Variants in SND1 observed in about 807,000 individuals in gnomAD.
The protein encoded by SND1 is staphylococcal nuclease and tudor domain containing 1.
SND1 carries 38 observed loss-of-function variants against 121.7 expected under a neutral mutation model. That is an observed-to-expected ratio of 0.31 (90% CI 0.24 to 0.41). The LOEUF (loss-of-function observed/expected upper bound fraction) is 0.41, where lower values mean the gene tolerates loss of function less well. Ranked by LOEUF, SND1 falls within the 10% of genes least tolerant of loss-of-function variation. The pLI, the probability that SND1 is intolerant of heterozygous loss-of-function variation, is 1.00. For synonymous variants in SND1, 401 were observed against 447.4 expected (o/e 0.90, Z 1.31); for missense variants, 868 against 1,184.6 (o/e 0.73, Z 3.92).
rs557886024 is a variant in SND1, at chr7:128,035,772, C to T, written c.1780-38730C>T. On this transcript the variant is annotated intron_variant, in intron 16 of 23. Transcript: ENST00000354725. The stretch of plus-strand genomic sequence containing the variant: ...TCTGCACTTCCTAGTGACTTTGGGT[C>T]GCCAATAGAAAATGACAGAAATGGT... Among the ~76,000 whole-genome samples, 52 of 152,238 alleles carry T rather than the reference C, an allele frequency of 3.4e-4. 1 individual carries two copies. In the South Asian group the frequency reaches 0.011, roughly 31 times the overall value.
At chr7:127,687,751 A>G (rs1034964173) in intron 2 of SND1, among the ~76,000 whole-genome samples, 6 of 152,040 alleles carry the variant, frequency 3.9e-5, no homozygotes, top group South Asian at 2.1e-4. Context: ...TGGTGTAATC[A>G]TGGCTCACTG....
chr7:127,974,005 A>G, intron 15 of SND1, among the ~76,000 whole-genome samples: 1 of 152,202 alleles, frequency 6.6e-6, no homozygotes, highest in South Asian at 2.1e-4. Context: ...GCAGAGTCTC[A>G]GTAGCAGCAG....
intron 16 of SND1, among the ~76,000 whole-genome samples, chr7:128,018,844 AAG>A (rs1353527766): frequency 6.6e-6 from 1 of 152,194 alleles, no homozygotes; most frequent in Non-Finnish European, 1.5e-5. Context: ...AGGACAGAAT[AAG>A]AGAACCCTCT....
At chr7:127,702,590 T>G in intron 6 of SND1, 64 bp downstream of exon 6, 1 of 1,318,122 alleles carries the variant, frequency 7.6e-7, no homozygotes, top group Non-Finnish European at 1.1e-6. Flanking sequence ...GATGGATTCT[T>G]CTACTTGGGG....
At chr7:128,019,314 T>A (rs1251424152) in intron 16 of SND1, among the ~76,000 whole-genome samples, 3 of 152,216 alleles carry the variant, frequency 2.0e-5, no homozygotes, top group Non-Finnish European at 4.4e-5. Flanking sequence ...TCTCTCCCCA[T>A]CAATAGCACA....
chr7:127,718,574 G>A (rs1010537114), intron 9 of SND1: 3 of 985,306 alleles, frequency 3.0e-6, no homozygotes, highest in African/African-American at 1.7e-5. Flanking sequence ...CACAGTTCCT[G>A]AAGAGGAGGT....
At chr7:127,904,164 G>A (rs1239707549) in intron 13 of SND1, among the ~76,000 whole-genome samples, 1 of 152,152 alleles carries the variant, frequency 6.6e-6, no homozygotes, top group Non-Finnish European at 1.5e-5. Context: ...AGAGTTCCCT[G>A]TTAAATCCCC....
chr7:127,935,965 C>T (rs1284801530), intron 15 of SND1, among the ~76,000 whole-genome samples: 2 of 152,128 alleles, frequency 1.3e-5, no homozygotes, highest in Non-Finnish European at 2.9e-5. Flanking sequence ...TTCAGGCAGA[C>T]GGCCCCACAG....
chr7:127,852,647 T>TA (rs1398420204), intron 12 of SND1, among the ~76,000 whole-genome samples: 2 of 151,922 alleles, frequency 1.3e-5, no homozygotes, highest in African/African-American at 4.8e-5. Context: ...TGATCTCTAC[T>TA]AAAAAATACA....
chr7:127,961,269 A>G (rs749297292), intron 15 of SND1, among the ~76,000 whole-genome samples: 4 of 152,350 alleles, frequency 2.6e-5, no homozygotes, highest in East Asian at 3.9e-4. Flanking sequence ...AATATATTAC[A>G]TAAGTGTATT....
chr7:127,688,243 A>G (rs1795851405), intron 2 of SND1, among the ~76,000 whole-genome samples: 2 of 151,928 alleles, frequency 1.3e-5, no homozygotes, highest in Non-Finnish European at 2.9e-5. Flanking sequence ...CACACCCCTC[A>G]GCCTCTAATG....
chr7:128,051,352 G>A (rs1190870166), intron 16 of SND1, among the ~76,000 whole-genome samples: 3 of 151,106 alleles, frequency 2.0e-5, no homozygotes, highest in East Asian at 1.9e-4. Context: ...GAGATGGGCT[G>A]CAGCTTCCAA....
intron 10 of SND1, among the ~76,000 whole-genome samples, chr7:127,750,450 C>T (rs906144103): frequency 2.6e-5 from 4 of 152,148 alleles, no homozygotes; most frequent in African/African-American, 4.8e-5. Context: ...TTATATGGTA[C>T]GTGTGTGGTA....
At chr7:127,782,515 C>A (rs141443483) in intron 10 of SND1, among the ~76,000 whole-genome samples, 6 of 152,218 alleles carry the variant, frequency 3.9e-5, no homozygotes, top group African/African-American at 1.4e-4. Flanking sequence ...GGTTACAATC[C>A]TTTGGGGGGC....
chr7:128,036,140 T>C (rs151066349), intron 16 of SND1, among the ~76,000 whole-genome samples: 1 of 152,262 alleles, frequency 6.6e-6, no homozygotes, highest in East Asian at 1.9e-4. Context: ...TCAGTAATAA[T>C]AAAAAGTAGG....
At chr7:127,806,532 T>C (rs1196809214) in intron 10 of SND1, among the ~76,000 whole-genome samples, 1 of 152,254 alleles carries the variant, frequency 6.6e-6, no homozygotes, top group Non-Finnish European at 1.5e-5. Context: ...CCTATTTCTT[T>C]ACTATCCTGC....
chr7:128,032,928 C>T (rs1267171580), intron 16 of SND1, among the ~76,000 whole-genome samples: 3 of 152,190 alleles, frequency 2.0e-5, no homozygotes, highest in Non-Finnish European at 4.4e-5. Flanking sequence ...CAACCTGGGA[C>T]AGCACAGAGG....
At chr7:127,806,275 C>T (rs1187035011) in intron 10 of SND1, among the ~76,000 whole-genome samples, 3 of 152,142 alleles carry the variant, frequency 2.0e-5, no homozygotes, top group Non-Finnish European at 4.4e-5. Context: ...ATTGTCAGTT[C>T]CCGTTAATTC....
intron 10 of SND1, among the ~76,000 whole-genome samples, chr7:127,751,648 T>C (rs946034363): frequency 6.6e-6 from 1 of 152,214 alleles, no homozygotes; most frequent in African/African-American, 2.4e-5. Context: ...GTTTGAAAGA[T>C]AGTGATGTGG....
Sources: allele counts gnomAD v4.1 joint callset (sites outside exome capture counted in the v4.1 genomes callset), GRCh38; gene constraint gnomAD v4.1.1; transcripts MANE v1.5; gene names NCBI Gene and HGNC (gene_info 2026-07-23, HGNC 2026-07-21).